IGFBP4: variants seen among roughly 807,000 people sequenced by gnomAD.
The protein encoded by IGFBP4 is insulin-like growth factor-binding protein 4.
A neutral mutation model predicts 25.8 loss-of-function variants in IGFBP4; 9 were observed. That is an observed-to-expected ratio of 0.35 (90% confidence interval 0.21 to 0.61). The LOEUF is 0.61. Ranked by LOEUF, IGFBP4 falls within the 20% of genes least tolerant of loss-of-function variation. The probability of loss-of-function intolerance (pLI) is 0.77; values close to 1 mark genes in which losing one functional copy is unlikely to be tolerated. For missense variants in IGFBP4, 315 were observed against 365.3 expected, an observed-to-expected ratio of 0.86 and a Z score of 1.12; for synonymous variants, 153 against 153.9, an observed-to-expected ratio of 0.99 and a Z score of 0.05.
At chr17:40,444,226 G>T in intron 1 of IGFBP4, 142 bp downstream of exon 1, 1 of 698,780 alleles carries the variant, frequency 1.4e-6, no homozygotes, top group South Asian at 1.6e-5. Context: ...GGCCCGACTG[G>T]CATGGGACAG....
In IGFBP4 at chr17:40,447,655, G is replaced by A. The variant is rs145369253; in HGVS notation, c.349+3571G>A. ...AGTATTGGTGCCTCGGGTATCAGGA[G>A]TCTTTCCACTTAAAGACAGAGTGCT... On this transcript the variant is annotated intron_variant, in intron 1 of 3. Coordinates refer to ENST00000269593, the MANE Select transcript of IGFBP4 (RefSeq NM_001552.3). Among the ~76,000 whole-genome samples the A allele has an allele frequency of 3.9e-5, 6 of 152,288 alleles. No individual in the cohort carries two copies. In the East Asian group the frequency reaches 1.2e-3, roughly 29 times the overall value.
Position 40,457,244 on chromosome 17 carries a change from T to G in IGFBP4, c.*661T>G, listed in dbSNP as rs1219161305. 6.6e-6 allele frequency: 1 copy of G among 152,282 alleles called. No individual in the cohort carries two copies. The highest frequency in any genetic ancestry group is 2.4e-5 in the African/African-American group (1 of 41,424). 9.4% of individuals were successfully genotyped at this position (152,282 alleles called of 1,614,324 possible). The stretch of plus-strand genomic sequence containing the variant: ...TCCCTTTCTCTTCTTCCCCAGGTCC[T>G]TCCTTTAGGTCTGGTTGTTGCACCA... On this transcript the variant is annotated 3_prime_UTR_variant, in exon 4 of 4. Coordinates refer to ENST00000269593, the MANE Select transcript of IGFBP4 (RefSeq NM_001552.3).
chr17:40,454,206 A>G, intron 3 of IGFBP4, 144 bp downstream of exon 3: 1 of 1,196,616 alleles, frequency 8.4e-7, no homozygotes. Flanking sequence ...CCCTAAACCT[A>G]CCTCAGCGTC....
intron 1 of IGFBP4, among the ~76,000 whole-genome samples, chr17:40,448,388 C>G (rs1429347205): frequency 6.6e-6 from 1 of 152,262 alleles, no homozygotes; most frequent in Non-Finnish European, 1.5e-5. Flanking sequence ...CCGAGGTTTC[C>G]CCTATAGTCA....
rs559565153 is a variant in IGFBP4 at position 40,446,772 on chromosome 17, G to A, written c.349+2688G>A. On this transcript the variant is annotated intron_variant, in intron 1 of 3. Coordinates refer to ENST00000269593, the MANE Select transcript of IGFBP4 (RefSeq NM_001552.3). ...GCCTCCAGCCATGCAATGGATGCAG[G>A]TATCTGGAGAGAGACGAGGGAAGCC... Among the ~76,000 whole-genome samples the A allele has an allele frequency of 8.5e-5, 13 of 152,268 alleles. No individual in the cohort carries two copies. In the East Asian group the frequency reaches 2.5e-3, roughly 29 times the overall value.
chr17:40,453,166 G>T lies in IGFBP4; in HGVS notation c.507+24G>T. 6.8e-7 allele frequency: 1 copy of T among 1,462,404 alleles called. No individual in the cohort carries two copies. Among genetic ancestry groups the T allele is most frequent in the Non-Finnish European group, 9.0e-7 (1 of 1,107,226 alleles). 90.6% of individuals were successfully genotyped at this position (1,462,404 alleles called of 1,614,324 possible). On this transcript the variant is annotated intron_variant, in intron 2 of 3. Transcript: ENST00000269593. The surrounding 1 kb of genome is among the most constrained non-coding windows in gnomAD (Gnocchi z 4.0). ...TGGTAAGGACCTCCGATGCACAAATGTGCATGTGCATAGACACACACACAC... is the reference window on the plus strand; with the variant it reads ...TGGTAAGGACCTCCGATGCACAAATTTGCATGTGCATAGACACACACACAC...
At position 40,443,657 on chromosome 17, in the gene IGFBP4, C is replaced by A; in HGVS notation, c.-79C>A. ...GAGCGCCAGGCGCTGCCGCCGTGTG[C>A]CCTCCGCCGCTCGCCCGCGCGCCCG... On this transcript the variant is annotated 5_prime_UTR_variant, in exon 1 of 4. Transcript: ENST00000269593. The A allele has an allele frequency of 1.4e-6, 1 of 720,564 alleles. No individual in the cohort carries two copies. The highest frequency in any genetic ancestry group is 1.8e-6 in the Non-Finnish European group (1 of 569,762). The allele number at this position is 720,564 out of a possible 1,614,324, so 44.6% of individuals were successfully genotyped here.
At position 40,453,198 on chromosome 17, in the gene IGFBP4, C is replaced by T. The variant is rs2035696233; in HGVS notation, c.507+56C>T. The T allele has an allele frequency of 2.0e-6, 2 of 985,592 alleles. No individual in the cohort carries two copies. Among genetic ancestry groups the T allele is most frequent in the Non-Finnish European group, 2.8e-6 (2 of 711,774 alleles). 61.1% of individuals were successfully genotyped at this position (985,592 alleles called of 1,614,324 possible). ...TGCATAGACACACACACACACATGCCCCCTGCCCCCCACATGCACGCACCC... is the reference window on the plus strand; with the variant it reads ...TGCATAGACACACACACACACATGCTCCCTGCCCCCCACATGCACGCACCC... On this transcript the variant is annotated intron_variant, in intron 2 of 3. Transcript: ENST00000269593. The surrounding 1 kb of genome is among the most constrained non-coding windows in gnomAD (Gnocchi z 4.0).
At position 40,453,171 on chromosome 17, in the gene IGFBP4, T is replaced by C; in HGVS notation, c.507+29T>C. On this transcript the variant is annotated intron_variant, in intron 2 of 3. Transcript: ENST00000269593. This position sits in a 1 kb window ranked among gnomAD's most constrained non-coding sequence, Gnocchi z 4.0. ...AGGACCTCCGATGCACAAATGTGCATGTGCATAGACACACACACACACATG... is the reference window on the plus strand; with the variant it reads ...AGGACCTCCGATGCACAAATGTGCACGTGCATAGACACACACACACACATG... 5 of 1,404,762 alleles carry C rather than the reference T, an allele frequency of 3.6e-6. No homozygotes were observed. Among genetic ancestry groups the C allele is most frequent in the Non-Finnish European group, 4.6e-6 (5 of 1,079,226 alleles). The allele number at this position is 1,404,762 out of a possible 1,614,324, so 87.0% of individuals were successfully genotyped here. A position where few individuals can be genotyped will look rare whatever the true frequency, so the allele number is the denominator to read the frequency against.
At chr17:40,451,002 T>A (rs1597675367) in intron 1 of IGFBP4, among the ~76,000 whole-genome samples, 4 of 151,892 alleles carry the variant, frequency 2.6e-5, no homozygotes, top group Admixed American at 1.3e-4. Flanking sequence ...CTTGGGAGGG[T>A]CTCAAAGGAA....
rs756211064 is a variant in IGFBP4, at chr17:40,444,884, AACACAC to A, written c.349+838_349+843del. 2.6e-3 allele frequency among the ~76,000 whole-genome samples: 212 copies of A among 80,238 alleles called. 1 individual carries two copies. The highest frequency in any genetic ancestry group is 6.8e-3 in the Middle Eastern group (1 of 148). 52.6% of individuals were successfully genotyped at this position (80,238 alleles called of 152,430 possible). Reference sequence around the variant, plus strand: ...AGAGAGAGAGAGAGAGAGAGAGAGAAACACACACACACACACACACACACACACACA... The same window carrying A: ...AGAGAGAGAGAGAGAGAGAGAGAGAAACACACACACACACACACACACACA... On this transcript the variant is annotated intron_variant, in intron 1 of 3. Transcript: ENST00000269593.
intron 1 of IGFBP4, among the ~76,000 whole-genome samples, chr17:40,452,146 G>GT (rs10305300): frequency 6.6e-6 from 1 of 152,186 alleles, no homozygotes; most frequent in Non-Finnish European, 1.5e-5. Context: ...TTTGGATGGA[G>GT]TTTTTCTTGA....
intron 1 of IGFBP4, among the ~76,000 whole-genome samples, chr17:40,449,468 G>C (rs10305292): frequency 0.021 from 3,231 of 152,146 alleles, 36 homozygotes; most frequent in Middle Eastern, 0.068. Flanking sequence ...AAAAGAAAAG[G>C]CCGGGCGCAA....
At chr17:40,455,544 G>A (rs1005804169) in intron 3 of IGFBP4, among the ~76,000 whole-genome samples, 1 of 151,598 alleles carries the variant, frequency 6.6e-6, no homozygotes, top group African/African-American at 2.4e-5. Context: ...GTGCAATGGT[G>A]GGATCTCGGC....
intron 1 of IGFBP4, among the ~76,000 whole-genome samples, chr17:40,447,406 G>C (rs976105559): frequency 3.9e-5 from 6 of 152,228 alleles, no homozygotes; most frequent in Admixed American, 2.0e-4. Context: ...TTTGGACGGG[G>C]AGTTCCTAAG....
intron 1 of IGFBP4, among the ~76,000 whole-genome samples, chr17:40,447,975 T>C (rs1172493579): frequency 1.3e-5 from 2 of 152,180 alleles, no homozygotes; most frequent in Non-Finnish European, 2.9e-5. Flanking sequence ...CCAAGTTGCC[T>C]TATCTGTTTT....
At chr17:40,450,263 G>C (rs560729429) in intron 1 of IGFBP4, among the ~76,000 whole-genome samples, 1 of 152,300 alleles carries the variant, frequency 6.6e-6, no homozygotes, top group African/African-American at 2.4e-5. Flanking sequence ...GCCTTCCAAA[G>C]TGTTGGGATT....
chr17:40,453,922 C>T lies in IGFBP4; in HGVS notation c.508-6C>T. 6.2e-7 allele frequency: 1 copy of T among 1,601,946 alleles called. No individual in the cohort carries two copies. Among genetic ancestry groups the T allele is most frequent in the Non-Finnish European group, 8.5e-7 (1 of 1,174,948 alleles). On this transcript the variant is annotated splice_polypyrimidine_tract_variant and splice_region_variant and intron_variant, in intron 2 of 3. Coordinates refer to ENST00000269593, the MANE Select transcript of IGFBP4 (RefSeq NM_001552.3). The surrounding 1 kb of genome is among the most constrained non-coding windows in gnomAD (Gnocchi z 4.0). ...TGCTGAGCAATTTTGTCTTCCCCTC[C>T]TCCAGCCCCAGGGCTCCTGCCAGAG... is the stretch of plus-strand genomic sequence containing the variant.
chr17:40,453,728 G>T lies in IGFBP4; in HGVS notation c.508-200G>T, dbSNP rs1467402903. Among the ~76,000 whole-genome samples the T allele has an allele frequency of 6.6e-6, 1 of 151,204 alleles. No individual in the cohort carries two copies. Among genetic ancestry groups the T allele is most frequent in the East Asian group, 2.0e-4 (1 of 5,126 alleles). ...CTCCTTTGAAGAAGCTCTTTGGCTC[G>T]AGACCCTTTCCTCCACGTCTCTACC... On this transcript the variant is annotated intron_variant, in intron 2 of 3. Coordinates refer to ENST00000269593, the MANE Select transcript of IGFBP4 (RefSeq NM_001552.3). This position sits in a 1 kb window ranked among gnomAD's most constrained non-coding sequence, Gnocchi z 4.0.
Sources: allele counts gnomAD v4.1 joint callset (sites outside exome capture counted in the v4.1 genomes callset), GRCh38; gene constraint gnomAD v4.1.1; non-coding constraint Gnocchi (gnomAD v3.1); transcripts MANE v1.5; gene names NCBI Gene and HGNC (gene_info 2026-07-23, HGNC 2026-07-21).